The following NTM variants were observed in gnomAD, a reference collection of about 807,000 sequenced individuals.
NTM encodes IgLON family member 2.
In NTM, 13 loss-of-function variants were observed where a neutral mutation model predicts 42.1. That is an observed-to-expected ratio of 0.31 (90% CI 0.20 to 0.49). The LOEUF is 0.49. Ranked by LOEUF, NTM falls within the 20% of genes least tolerant of loss-of-function variation. The pLI is 0.99. For synonymous variants in NTM, 187 were observed against 179.2 expected, an observed-to-expected ratio of 1.04 and a Z score of -0.35; for missense variants, 373 against 452.8, an observed-to-expected ratio of 0.82 and a Z score of 1.60.
chr11:131,830,651 G>A (rs1236226278), intron 1 of NTM, among the ~76,000 whole-genome samples: 1 of 152,046 alleles, frequency 6.6e-6, no homozygotes, highest in Non-Finnish European at 1.5e-5. Flanking sequence ...TGGCTATTTG[G>A]GCTCTTTTTT....
chr11:131,693,245 G>T (rs2075014537), intron 1 of NTM, among the ~76,000 whole-genome samples: 1 of 152,136 alleles, frequency 6.6e-6, no homozygotes, highest in South Asian at 2.1e-4. Flanking sequence ...TCAGGGGATT[G>T]CTTTCCTCTT....
chr11:131,382,964 G>T (rs1193585331), intron 1 of NTM, among the ~76,000 whole-genome samples: 1 of 151,948 alleles, frequency 6.6e-6, no homozygotes, highest in Admixed American at 6.6e-5. Context: ...GGCTGTATTT[G>T]TTCCTCTCAC....
intron 1 of NTM, among the ~76,000 whole-genome samples, chr11:131,549,684 C>G (rs1043422972): frequency 6.6e-6 from 1 of 152,146 alleles, no homozygotes; most frequent in Admixed American, 6.5e-5. Context: ...CAGGTGTCTT[C>G]GATCCTCAGA....
intron 1 of NTM, among the ~76,000 whole-genome samples, chr11:131,444,401 A>G (rs1040532281): frequency 2.0e-5 from 3 of 152,144 alleles, no homozygotes; most frequent in African/African-American, 7.2e-5. Context: ...CGAGTAATAC[A>G]AGGTTTGAAA....
intron 1 of NTM, among the ~76,000 whole-genome samples, chr11:131,580,764 T>C (rs1195724164): frequency 6.6e-6 from 1 of 152,202 alleles, no homozygotes; most frequent in African/African-American, 2.4e-5. Context: ...TCGTATTCCC[T>C]TGCATCATGC....
chr11:132,087,109 G>A (rs1436196229), intron 2 of NTM, among the ~76,000 whole-genome samples: 2 of 152,066 alleles, frequency 1.3e-5, no homozygotes, highest in African/African-American at 4.8e-5. Context: ...GGATATGTGA[G>A]GGAGAAAAGA....
chr11:131,981,922 T>A (rs754049827), intron 2 of NTM, among the ~76,000 whole-genome samples: 8 of 151,806 alleles, frequency 5.3e-5, no homozygotes, highest in Non-Finnish European at 1.0e-4. Context: ...TGAGGCAGGA[T>A]AATTGCTTGA....
intron 1 of NTM, among the ~76,000 whole-genome samples, chr11:131,819,752 G>A (rs373701462): frequency 7.2e-5 from 11 of 152,152 alleles, no homozygotes; most frequent in African/African-American, 2.4e-4. Flanking sequence ...GTCCGTGTTC[G>A]GGGCTGTGAC....
chr11:131,994,004 C>CA (rs745908192), intron 2 of NTM, among the ~76,000 whole-genome samples: 30,424 of 95,064 alleles, frequency 0.32, 3,854 homozygotes, highest in Admixed American at 0.38. Flanking sequence ...ACTCCATCTC[C>CA]AAAAAAAAAA....
chr11:131,762,595 T>A (rs1344767892), intron 1 of NTM, among the ~76,000 whole-genome samples: 1 of 152,238 alleles, frequency 6.6e-6, no homozygotes, highest in East Asian at 1.9e-4. Flanking sequence ...GTGACGGCCC[T>A]GTCGCCCTTC....
chr11:131,900,667 GAA>G (rs961496360), intron 1 of NTM, among the ~76,000 whole-genome samples: 1 of 151,714 alleles, frequency 6.6e-6, no homozygotes, highest in African/African-American at 2.4e-5. Context: ...GAGAGAGAGA[GAA>G]AGAGAGAGAG....
At chr11:132,280,472 CTTCTTTTTTTT>C (rs1565373908) in intron 4 of NTM, among the ~76,000 whole-genome samples, 3 of 125,674 alleles carry the variant, frequency 2.4e-5, no homozygotes, top group African/African-American at 8.9e-5. Flanking sequence ...CTGATACTCT[CTTCTTTTTTTT>C]TTTTTTTTTT....
chr11:132,228,616 C>T (rs1444411344), intron 4 of NTM, among the ~76,000 whole-genome samples: 1 of 152,220 alleles, frequency 6.6e-6, no homozygotes, highest in Non-Finnish European at 1.5e-5. Flanking sequence ...CTCCCCAGAA[C>T]TCATGGCTCT....
intron 2 of NTM, among the ~76,000 whole-genome samples, chr11:131,963,628 C>T (rs1157598733): frequency 6.6e-6 from 1 of 152,158 alleles, no homozygotes; most frequent in East Asian, 1.9e-4. Context: ...TTGAGAGCAT[C>T]CCTTGATTCA....
At chr11:132,045,229 G>A (rs1253906290) in intron 2 of NTM, among the ~76,000 whole-genome samples, 1 of 152,154 alleles carries the variant, frequency 6.6e-6, no homozygotes. Flanking sequence ...CTTTGTACTT[G>A]TTAAAGGGTT....
chr11:131,855,431 C>T (rs1381361308), intron 1 of NTM, among the ~76,000 whole-genome samples: 1 of 152,208 alleles, frequency 6.6e-6, no homozygotes, highest in East Asian at 1.9e-4. Flanking sequence ...ATTTTCACAT[C>T]TTAAATTCCC....
intron 4 of NTM, among the ~76,000 whole-genome samples, chr11:132,222,932 G>GCA (rs566007560): frequency 4.3e-4 from 65 of 152,208 alleles, no homozygotes; most frequent in Middle Eastern, 3.4e-3. Context: ...TCACTGCCTT[G>GCA]CCCTTTATGG....
intron 1 of NTM, among the ~76,000 whole-genome samples, chr11:131,680,458 T>C (rs1286444317): frequency 6.8e-6 from 1 of 146,800 alleles, no homozygotes; most frequent in Non-Finnish European, 1.5e-5. Context: ...TGTGTCTGTG[T>C]CTGTGAGTGC....
chr11:131,583,580 G>A (rs570871701), intron 1 of NTM, among the ~76,000 whole-genome samples: 62 of 152,194 alleles, frequency 4.1e-4, no homozygotes, highest in African/African-American at 1.3e-3. Flanking sequence ...GCTTTTTTGT[G>A]TTCAAAGAGC....
Sources: allele counts gnomAD v4.1 joint callset (sites outside exome capture counted in the v4.1 genomes callset), GRCh38; gene constraint gnomAD v4.1.1; transcripts MANE v1.5; gene names NCBI Gene and HGNC (gene_info 2026-07-23, HGNC 2026-07-21).